Variants in NOX5 observed in about 807,000 individuals in gnomAD.
NOX5 encodes the protein NADPH oxidase, EF-hand calcium binding domain 5.
In NOX5, 76 loss-of-function variants were observed where a neutral mutation model predicts 85.7. That is an observed-to-expected ratio of 0.89 (90% CI 0.74 to 1.07). NOX5 has a LOEUF of 1.07. Among genes scored for constraint, NOX5 ranks in the 50% least tolerant of loss-of-function variants. The probability of loss-of-function intolerance (pLI) is 0.00; values close to 1 mark genes in which losing one functional copy is unlikely to be tolerated. For missense variants in NOX5, 973 were observed against 999.5 expected, an observed-to-expected ratio of 0.97 and a Z score of 0.36; for synonymous variants, 405 against 401.4, an observed-to-expected ratio of 1.01 and a Z score of -0.11.
rs151056169 is a variant in NOX5, at chr15:69,037,015, C to T, written c.1189-13C>T. The T allele has an allele frequency of 2.3e-5, 37 of 1,612,050 alleles. No homozygotes were observed. Among genetic ancestry groups the T allele is most frequent in the Middle Eastern group, 1.9e-4 (1 of 5,382 alleles). On this transcript the variant is annotated splice_polypyrimidine_tract_variant and intron_variant, in intron 7 of 15. Coordinates refer to ENST00000388866, the MANE Select transcript of NOX5 (RefSeq NM_024505.4). ...TGAGCTCTGGAAGTTGACTGCCCCC[C>T]CTACCCCCATAGGTGTTCTATTGGA...
In NOX5 at chr15:69,033,046, T is replaced by C. The variant is rs201398847; in HGVS notation, c.624T>C (p.Ala208=). The change falls in exon 5 of 16, where the codon GCT becomes GCC. Residue 208 remains alanine (A), a synonymous_variant. Coordinates refer to ENST00000388866, the MANE Select transcript of NOX5 (RefSeq NM_024505.4). ...PGVMENLTIS[A]AHWLTAPAPR... Reference sequence around the variant, plus strand: ...GCGGAACCCGCCTCTCTCGCAGCGCTGCCCACTGGCTGACGGCCCCCGCCC... The same window carrying C: ...GCGGAACCCGCCTCTCTCGCAGCGCCGCCCACTGGCTGACGGCCCCCGCCC... 2 of 1,555,066 alleles carry C rather than the reference T, an allele frequency of 1.3e-6. No individual in the cohort carries two copies. The highest frequency in any genetic ancestry group is 1.7e-6 in the Non-Finnish European group (2 of 1,165,230).
intron 3 of NOX5, chr15:69,028,604 G>T (rs1489150658): frequency 5.5e-6 from 2 of 360,512 alleles, no homozygotes; most frequent in African/African-American, 2.1e-5. Flanking sequence ...GAGGGACTCT[G>T]GCACAGGAGA....
chr15:69,050,240 A>G (rs1043811331), intron 14 of NOX5, among the ~76,000 whole-genome samples: 1 of 152,266 alleles, frequency 6.6e-6, no homozygotes, highest in African/African-American at 2.4e-5. Flanking sequence ...TCTTTTAAAA[A>G]GAAATTTAAA....
chr15:69,024,840 A>G (rs970230119), intron 1 of NOX5, among the ~76,000 whole-genome samples: 1 of 152,146 alleles, frequency 6.6e-6, no homozygotes, highest in Non-Finnish European at 1.5e-5. Context: ...AACCATTTCC[A>G]TAATTGAAAT....
rs35364723 is a variant in NOX5, at chr15:69,041,871, AT to A, written c.1505-782del. 5.4e-3 allele frequency among the ~76,000 whole-genome samples: 812 copies of A among 149,404 alleles called. 10 individuals carry two copies. The highest frequency in any genetic ancestry group is 0.019 in the African/African-American group (761 of 40,820). ...ATGATGAGATTTTTTTGTTTGTGTGATTTTTTTTTTCTTTTTAGTTCATCAG... is the reference window on the plus strand; with the variant it reads ...ATGATGAGATTTTTTTGTTTGTGTGATTTTTTTTTCTTTTTAGTTCATCAG... On this transcript the variant is annotated intron_variant, in intron 9 of 15. Transcript: ENST00000388866.
At chr15:69,049,146 A>T (rs1595789067) in intron 14 of NOX5, 88 bp downstream of exon 14, 2 of 738,012 alleles carry the variant, frequency 2.7e-6, no homozygotes, top group East Asian at 6.1e-5. Context: ...TATGAAACTC[A>T]CGTAACCTAA....
chr15:69,029,242 T>G, intron 3 of NOX5: 1 of 152,232 alleles, frequency 6.6e-6, no homozygotes, highest in South Asian at 2.1e-4. Flanking sequence ...TAAGTGGGAT[T>G]ATACAATATT....
At chr15:69,035,307 G>A (rs1567099482) in intron 5 of NOX5, 47 bp from the exon 6 acceptor site, 2 of 1,596,830 alleles carry the variant, frequency 1.3e-6, no homozygotes, top group South Asian at 1.1e-5. Context: ...AAGAGGACAA[G>A]GCAGACAGAG....
At chr15:69,051,939 C>A (rs2050754808) in intron 14 of NOX5, among the ~76,000 whole-genome samples, 3 of 151,934 alleles carry the variant, frequency 2.0e-5, no homozygotes, top group Admixed American at 2.0e-4. Context: ...GAATGTTTGG[C>A]CTGGTGGCTC....
rs944667270 is a variant in NOX5, at chr15:69,062,720, C to G, written c.*6024C>G. On this transcript the variant is annotated 3_prime_UTR_variant, in exon 16 of 16. Coordinates refer to ENST00000388866, the MANE Select transcript of NOX5 (RefSeq NM_024505.4). Reference sequence around the variant, plus strand: ...TGTAAAGACTTCCTTGCTGGTCCCTCCCATCGCAGAATAAACAGCCTGCTC... The same window carrying G: ...TGTAAAGACTTCCTTGCTGGTCCCTGCCATCGCAGAATAAACAGCCTGCTC... The G allele has an allele frequency of 6.6e-6, 1 of 152,286 alleles. No homozygotes were observed. The highest frequency in any genetic ancestry group is 2.4e-5 in the African/African-American group (1 of 41,466). 9.4% of individuals were successfully genotyped at this position (152,286 alleles called of 1,614,324 possible). A position where few individuals can be genotyped will look rare whatever the true frequency, so the allele number is the denominator to read the frequency against.
At position 69,042,720 on chromosome 15, in the gene NOX5, C is replaced by A; in HGVS notation, c.1562C>A (p.Ser521Tyr). Residue 521 changes from serine to tyrosine, a missense_variant, in exon 10 of 16, where the codon TCC becomes TAC. Physicochemically the swap from Ser to Tyr is moderately radical, Grantham distance 144. Coordinates refer to ENST00000388866, the MANE Select transcript of NOX5 (RefSeq NM_024505.4). Reference sequence around the variant, plus strand: ...CAGTGGACAAACAGGCTGTATGAGTCCTTCAAGGCATCAGACCCACTGGGC... The same window carrying A: ...CAGTGGACAAACAGGCTGTATGAGTACTTCAAGGCATCAGACCCACTGGGC... ...QGQWTNRLYE[S>Y]FKASDPLGRG... The A allele has an allele frequency of 1.2e-6, 2 of 1,614,150 alleles. No individual in the cohort carries two copies. The highest frequency in any genetic ancestry group is 1.7e-6 in the Non-Finnish European group (2 of 1,180,040).
chr15:69,036,997 TG>T, intron 7 of NOX5, 30 bp from the exon 8 acceptor site: 1 of 1,600,950 alleles, frequency 6.2e-7, no homozygotes, highest in Non-Finnish European at 8.5e-7. Context: ...CCTTGAGCTC[TG>T]GAAGTTGACT....
intron 10 of NOX5, chr15:69,046,273 G>A (rs181806718): frequency 6.5e-6 from 1 of 152,712 alleles, no homozygotes; most frequent in Non-Finnish European, 1.5e-5. Context: ...GGGGAGCTGT[G>A]AGCCAGGGGA....
At chr15:69,042,407 C>T (rs1408045469) in intron 9 of NOX5, among the ~76,000 whole-genome samples, 2 of 152,178 alleles carry the variant, frequency 1.3e-5, no homozygotes, top group Non-Finnish European at 2.9e-5. Flanking sequence ...CTGCTCTGAT[C>T]CTTTCTTTGG....
chr15:69,053,789 C>T (rs1209957650), intron 14 of NOX5, among the ~76,000 whole-genome samples: 3 of 152,126 alleles, frequency 2.0e-5, no homozygotes, highest in African/African-American at 7.2e-5. Context: ...TCCTCTTACC[C>T]CTCTCTGGGG....
In NOX5 at chr15:69,047,922, C is replaced by T; in HGVS notation, c.1899+11C>T. The stretch of plus-strand genomic sequence containing the variant: ...ATGAAGCTCCATAAGGTGAGTACCA[C>T]CTCCTGCAGGCAGGCCTCCAGACCT... On this transcript the variant is annotated intron_variant, in intron 13 of 15. Coordinates refer to ENST00000388866, the MANE Select transcript of NOX5 (RefSeq NM_024505.4). 1.2e-6 allele frequency: 2 copies of T among 1,613,468 alleles called. No homozygotes were observed. The highest frequency in any genetic ancestry group is 2.2e-5 in the South Asian group (2 of 91,058).
At chr15:69,039,664 C>T (rs775187040) in intron 9 of NOX5, among the ~76,000 whole-genome samples, 3 of 152,168 alleles carry the variant, frequency 2.0e-5, no homozygotes, top group Non-Finnish European at 4.4e-5. Context: ...TGGACTTGGG[C>T]CTTATAGAGC....
At chr15:69,020,431 T>C (rs1384146677) in intron 1 of NOX5, among the ~76,000 whole-genome samples, 3 of 152,110 alleles carry the variant, frequency 2.0e-5, no homozygotes, top group African/African-American at 7.2e-5. Context: ...ATTTAGGCAT[T>C]TATAATTTGA....
chr15:69,038,095 C>T (rs2050545475), intron 8 of NOX5: 1 of 152,336 alleles, frequency 6.6e-6, no homozygotes, highest in African/African-American at 2.4e-5. Context: ...AGGTGCACAT[C>T]ACAGAAAGAC....
Sources: gnomAD v4.1 joint callset for allele counts (sites outside exome capture counted in the v4.1 genomes callset) on GRCh38, gnomAD v4.1.1 for gene constraint, MANE v1.5 for transcripts, NCBI Gene and HGNC (gene_info 2026-07-23, HGNC 2026-07-21) for gene names.